PTPRR: variants seen among roughly 807,000 people sequenced by gnomAD.
The protein encoded by PTPRR is protein tyrosine phosphatase receptor type R, also known as receptor-type tyrosine-protein phosphatase R.
Under a neutral mutation model 77.2 loss-of-function variants are expected in PTPRR, and 38 were observed. The observed-to-expected ratio is 0.49, with a 90% CI of 0.38 to 0.65. The LOEUF (loss-of-function observed/expected upper bound fraction) is 0.65. Ranked by LOEUF, PTPRR falls within the 30% of genes least tolerant of loss-of-function variation. PTPRR has a pLI of 0.00. For synonymous variants in PTPRR, 299 were observed against 283.1 expected, an observed-to-expected ratio of 1.06 and a Z score of -0.57; for missense variants, 744 against 799.2, an observed-to-expected ratio of 0.93 and a Z score of 0.83.
At chr12:70,698,639 G>T (rs1390550318) in intron 7 of PTPRR, among the ~76,000 whole-genome samples, 4 of 152,108 alleles carry the variant, frequency 2.6e-5, no homozygotes, top group Non-Finnish European at 5.9e-5. Flanking sequence ...TGACATAATT[G>T]CTAGAAAGAT....
At chr12:70,716,769 G>A (rs969292099) in intron 6 of PTPRR, among the ~76,000 whole-genome samples, 1 of 152,150 alleles carries the variant, frequency 6.6e-6, no homozygotes, top group African/African-American at 2.4e-5. Context: ...GATCACTTGA[G>A]CCCAGGAGTT....
At chr12:70,683,423 A>G (rs1371417489) in intron 10 of PTPRR, among the ~76,000 whole-genome samples, 1 of 152,212 alleles carries the variant, frequency 6.6e-6, no homozygotes, top group Admixed American at 6.5e-5. Flanking sequence ...TAGTATGGAA[A>G]TGAAATCAAA....
At chr12:70,692,331 A>G (rs924346756) in intron 8 of PTPRR, among the ~76,000 whole-genome samples, 2 of 148,450 alleles carry the variant, frequency 1.3e-5, no homozygotes, top group Non-Finnish European at 2.9e-5. Context: ...TGAAAATATT[A>G]TCTATCTGTG....
At chr12:70,806,045 T>A (rs1050825233) in intron 2 of PTPRR, among the ~76,000 whole-genome samples, 2 of 152,158 alleles carry the variant, frequency 1.3e-5, no homozygotes, top group Admixed American at 6.6e-5. Flanking sequence ...CCTGGCCAAG[T>A]GGTACAAAAG....
At chr12:70,856,656 G>A (rs1565719875) in intron 2 of PTPRR, among the ~76,000 whole-genome samples, 1 of 152,162 alleles carries the variant, frequency 6.6e-6, no homozygotes, top group African/African-American at 2.4e-5. Context: ...ATGTCAACTT[G>A]GAGGACACTG....
chr12:70,823,296 C>A (rs1231084651), intron 2 of PTPRR, among the ~76,000 whole-genome samples: 2 of 152,158 alleles, frequency 1.3e-5, no homozygotes, highest in Non-Finnish European at 2.9e-5. Flanking sequence ...TCCTGAAACA[C>A]ATTGACCCAC....
At chr12:70,902,281 A>G (rs548549489) in intron 1 of PTPRR, among the ~76,000 whole-genome samples, 1 of 151,956 alleles carries the variant, frequency 6.6e-6, no homozygotes, top group Non-Finnish European at 1.5e-5. Context: ...CTAAAAGTAG[A>G]ACTACTGTTT....
intron 7 of PTPRR, among the ~76,000 whole-genome samples, chr12:70,698,753 C>T (rs1888322080): frequency 6.6e-6 from 1 of 152,116 alleles, no homozygotes; most frequent in African/African-American, 2.4e-5. Flanking sequence ...AATAGATTAT[C>T]TTTTCACACT....
intron 4 of PTPRR, among the ~76,000 whole-genome samples, chr12:70,757,681 C>T (rs1213219980): frequency 3.3e-5 from 5 of 152,078 alleles, no homozygotes; most frequent in South Asian, 4.2e-4. Context: ...AAGTAATTAA[C>T]GTAAGTTTAG....
chr12:70,683,783 A>T (rs1887759661), intron 10 of PTPRR, among the ~76,000 whole-genome samples: 1 of 152,202 alleles, frequency 6.6e-6, no homozygotes. Context: ...CCCAATGACT[A>T]CAGTAGTACC....
chr12:70,803,444 A>C (rs1294937440), intron 2 of PTPRR, among the ~76,000 whole-genome samples: 1 of 152,152 alleles, frequency 6.6e-6, no homozygotes, highest in Non-Finnish European at 1.5e-5. Flanking sequence ...CACCAAGAAG[A>C]AGCAGTATGC....
intron 2 of PTPRR, among the ~76,000 whole-genome samples, chr12:70,891,165 T>G (rs1893329681): frequency 6.6e-6 from 1 of 152,048 alleles, no homozygotes; most frequent in Non-Finnish European, 1.5e-5. Flanking sequence ...TTCATCAATC[T>G]CCAAACCACA....
At chr12:70,671,061 GAT>G (rs1400252502) in intron 10 of PTPRR, among the ~76,000 whole-genome samples, 1 of 152,170 alleles carries the variant, frequency 6.6e-6, no homozygotes, top group Non-Finnish European at 1.5e-5. Flanking sequence ...AATTTCTAAA[GAT>G]AACTCCATCT....
At chr12:70,907,232 G>A (rs891082627) in intron 1 of PTPRR, among the ~76,000 whole-genome samples, 3 of 152,186 alleles carry the variant, frequency 2.0e-5, no homozygotes, top group African/African-American at 7.2e-5. Flanking sequence ...TAATTGTTCT[G>A]TTTTTATAGT....
intron 2 of PTPRR, among the ~76,000 whole-genome samples, chr12:70,799,842 A>G (rs1289784111): frequency 6.6e-6 from 1 of 152,206 alleles, no homozygotes; most frequent in African/African-American, 2.4e-5. Flanking sequence ...AGGGCAGGTC[A>G]TGGGGCAGAA....
At chr12:70,794,247 A>C (rs1252532258) in intron 2 of PTPRR, among the ~76,000 whole-genome samples, 1 of 152,246 alleles carries the variant, frequency 6.6e-6, no homozygotes, top group Non-Finnish European at 1.5e-5. Context: ...CCAAAAATAC[A>C]GACCTAATAT....
chr12:70,771,322 C>G (rs1215310135), intron 2 of PTPRR, among the ~76,000 whole-genome samples: 2 of 151,994 alleles, frequency 1.3e-5, no homozygotes, highest in Non-Finnish European at 2.9e-5. Flanking sequence ...TGCATGTTCT[C>G]ACTTATAAGT....
chr12:70,730,675 T>C (rs189142399), intron 6 of PTPRR, among the ~76,000 whole-genome samples: 1 of 152,018 alleles, frequency 6.6e-6, no homozygotes, highest in East Asian at 1.9e-4. Flanking sequence ...AATAAAAGAA[T>C]TAACTGGACA....
Position 70,887,532 on chromosome 12 carries a change from T to G in PTPRR, c.357+5147A>C, listed in dbSNP as rs542569551. Among the ~76,000 whole-genome samples the G allele has an allele frequency of 1.5e-4, 23 of 152,290 alleles. No individual in the cohort carries two copies. The South Asian group carries it at 3.9e-3, about 26-fold the overall frequency. The stretch of plus-strand genomic sequence containing the variant: ...AGTAAAAAAATGCAATAAGAAATCT[T>G]TCATCATCTCAGTGTCCAAAACAAC... On this transcript the variant is annotated intron_variant, in intron 2 of 13. Transcript: ENST00000283228.
Sources: gnomAD v4.1 joint callset for allele counts (sites outside exome capture counted in the v4.1 genomes callset) on GRCh38, gnomAD v4.1.1 for gene constraint, MANE v1.5 for transcripts, NCBI Gene and HGNC (gene_info 2026-07-23, HGNC 2026-07-21) for gene names.